The following CNBD1 variants were observed in gnomAD, a reference collection of about 807,000 sequenced individuals.
The protein encoded by CNBD1 is cyclic nucleotide-binding domain-containing protein 1.
CNBD1 carries 71 observed loss-of-function variants against 54.4 expected under a neutral mutation model. The ratio of observed to expected loss-of-function variants is 1.30; its 90% CI spans 1.08 to 1.59. The LOEUF is 1.59. Ranked by LOEUF, CNBD1 falls within the 40% of genes most tolerant of loss-of-function variation. The pLI, the probability that CNBD1 is intolerant of heterozygous loss-of-function variation, is 0.00. For synonymous variants in CNBD1, 182 were observed against 170.7 expected, an observed-to-expected ratio of 1.07 and a Z score of -0.51; for missense variants, 659 against 518.0, an observed-to-expected ratio of 1.27 and a Z score of -2.64.
rs531103136 is a variant in CNBD1 at position 86,982,434 on chromosome 8, T to C, written c.431+42680T>C. On this transcript the variant is annotated intron_variant, in intron 4 of 10. Coordinates refer to ENST00000518476, the MANE Select transcript of CNBD1 (RefSeq NM_173538.3). ...GATTTTAGGGTTTTAGCTCTTCATGTAAGCCTGTGATCCATTTTAATTGGC... is the reference window on the plus strand; with the variant it reads ...GATTTTAGGGTTTTAGCTCTTCATGCAAGCCTGTGATCCATTTTAATTGGC... Among the ~76,000 whole-genome samples the C allele has an allele frequency of 4.6e-5, 7 of 152,318 alleles. No homozygotes were observed. In the East Asian group the frequency reaches 1.4e-3, roughly 29 times the overall value.
intron 2 of CNBD1, among the ~76,000 whole-genome samples, 161 bp downstream of exon 2, chr8:86,887,772 G>C (rs1050048319): frequency 6.6e-6 from 1 of 152,240 alleles, no homozygotes; most frequent in Non-Finnish European, 1.5e-5. Flanking sequence ...TCTTCAGATT[G>C]AAGGGGCAGA....
chr8:86,996,571 T>C (rs1808874363), intron 4 of CNBD1, among the ~76,000 whole-genome samples: 1 of 152,218 alleles, frequency 6.6e-6, no homozygotes, highest in Non-Finnish European at 1.5e-5. Context: ...AGTTTTACAC[T>C]TTCTGTTTCC....
intron 4 of CNBD1, among the ~76,000 whole-genome samples, chr8:87,089,016 G>A (rs573098195): frequency 5.9e-5 from 9 of 152,160 alleles, no homozygotes; most frequent in South Asian, 4.2e-4. Context: ...GAAGATTTAC[G>A]GGAAGCTTCA....
intron 4 of CNBD1, among the ~76,000 whole-genome samples, chr8:87,137,942 T>C (rs760394792): frequency 2.6e-5 from 4 of 152,156 alleles, no homozygotes; most frequent in Non-Finnish European, 5.9e-5. Flanking sequence ...TTCTTCATTT[T>C]GTTCTTGAAG....
At chr8:86,914,415 C>G (rs563918661) in intron 3 of CNBD1, among the ~76,000 whole-genome samples, 1 of 152,234 alleles carries the variant, frequency 6.6e-6, no homozygotes, top group African/African-American at 2.4e-5. Flanking sequence ...AGGTTTGTCG[C>G]CTAGAAGCCA....
At chr8:87,414,548 G>C (rs1023752132) in intron 2 of CNBD1, among the ~76,000 whole-genome samples, 10 of 151,458 alleles carry the variant, frequency 6.6e-5, no homozygotes, top group Non-Finnish European at 1.2e-4. Flanking sequence ...AAATTAATAT[G>C]TACTGGATAT....
chr8:87,401,716 G>A (rs1807568499), intron 2 of CNBD1, among the ~76,000 whole-genome samples: 1 of 151,988 alleles, frequency 6.6e-6, no homozygotes, highest in Admixed American at 6.6e-5. Context: ...TATTTGGTAA[G>A]ATGTTAATGA....
intron 6 of CNBD1, among the ~76,000 whole-genome samples, chr8:87,243,028 A>G (rs1193183545): frequency 6.6e-6 from 1 of 152,202 alleles, no homozygotes; most frequent in African/African-American, 2.4e-5. Flanking sequence ...GTTATTTTGA[A>G]CAAATTAATC....
At chr8:87,152,395 T>C (rs1812623027) in intron 4 of CNBD1, among the ~76,000 whole-genome samples, 3 of 150,724 alleles carry the variant, frequency 2.0e-5, no homozygotes, top group Admixed American at 2.0e-4. Context: ...GAATTGTCTT[T>C]GGCCACACAG....
intron 8 of CNBD1, among the ~76,000 whole-genome samples, chr8:87,302,914 G>A (rs1194399873): frequency 6.6e-6 from 1 of 151,810 alleles, no homozygotes; most frequent in Non-Finnish European, 1.5e-5. Context: ...AAATACCTAG[G>A]AATCCAACTT....
At chr8:87,330,375 AT>A (rs1240402277) in intron 8 of CNBD1, among the ~76,000 whole-genome samples, 10 of 146,920 alleles carry the variant, frequency 6.8e-5, no homozygotes, top group Non-Finnish European at 1.4e-4. Flanking sequence ...TACTAGTTTT[AT>A]TTTTTTTCTG....
intron 4 of CNBD1, among the ~76,000 whole-genome samples, chr8:87,090,534 G>A (rs1234494807): frequency 6.6e-6 from 1 of 152,150 alleles, no homozygotes; most frequent in East Asian, 1.9e-4. Flanking sequence ...GTCTACAACA[G>A]CATTCTTAAC....
intron 5 of CNBD1, among the ~76,000 whole-genome samples, chr8:87,227,637 A>T (rs200007959): frequency 1.5e-5 from 2 of 134,180 alleles, no homozygotes; most frequent in Non-Finnish European, 3.1e-5. Context: ...CTTCCCTTTG[A>T]GGGTAACCCG....
chr8:87,415,074 C>G (rs1402246916), intron 2 of CNBD1, among the ~76,000 whole-genome samples: 3 of 152,082 alleles, frequency 2.0e-5, no homozygotes, highest in African/African-American at 7.2e-5. Context: ...TGAGCAGTAG[C>G]TGGAACTCAT....
intron 6 of CNBD1, among the ~76,000 whole-genome samples, chr8:87,283,448 T>C (rs927266393): frequency 6.6e-6 from 1 of 152,050 alleles, no homozygotes; most frequent in Non-Finnish European, 1.5e-5. Context: ...GGAGTTCCTT[T>C]CTCTCTGAAT....
In CNBD1 at chr8:86,978,157, C is replaced by T. The variant is rs1309849634; in HGVS notation, c.431+38403C>T. ...TTCTTGCCATTTGACCTATGCTTAT[C>T]ACTTATGTGCTTTTTCTTATATTTT... On this transcript the variant is annotated intron_variant, in intron 4 of 10. Coordinates refer to ENST00000518476, the MANE Select transcript of CNBD1 (RefSeq NM_173538.3). Among the ~76,000 whole-genome samples the T allele has an allele frequency of 2.6e-5, 4 of 152,222 alleles. No homozygotes were observed. The East Asian group carries it at 7.7e-4, about 29-fold the overall frequency.
chr8:87,169,375 A>G (rs1158808185), intron 4 of CNBD1, among the ~76,000 whole-genome samples: 1 of 151,766 alleles, frequency 6.6e-6, no homozygotes, highest in African/African-American at 2.4e-5. Context: ...CTTTTTGTTC[A>G]TTGTTTCCTT....
intron 4 of CNBD1, among the ~76,000 whole-genome samples, chr8:86,980,348 G>T (rs544316326): frequency 4.6e-5 from 7 of 152,296 alleles, no homozygotes; most frequent in South Asian, 2.1e-4. Flanking sequence ...TCTAATGACT[G>T]GGTCACAGGG....
At chr8:86,936,044 G>T (rs749188635) in intron 3 of CNBD1, among the ~76,000 whole-genome samples, 1 of 152,082 alleles carries the variant, frequency 6.6e-6, no homozygotes, top group Non-Finnish European at 1.5e-5. Flanking sequence ...GGAGGGTGAG[G>T]TGGGAGGATT....
Sources: gnomAD v4.1 joint callset for allele counts (sites outside exome capture counted in the v4.1 genomes callset) on GRCh38, gnomAD v4.1.1 for gene constraint, MANE v1.5 for transcripts, NCBI Gene and HGNC (gene_info 2026-07-23, HGNC 2026-07-21) for gene names.